Variants in OSTF1 observed in about 807,000 individuals in gnomAD.
The protein encoded by OSTF1 is osteoclast-stimulating factor 1.
OSTF1 carries 27 observed loss-of-function variants against 37.2 expected under a neutral mutation model. The ratio of observed to expected loss-of-function variants is 0.73; its 90% CI spans 0.54 to 1.00. OSTF1 has a LOEUF of 1.00. Among genes scored for constraint, OSTF1 ranks in the 50% least tolerant of loss-of-function variants. The pLI is 0.00. For missense variants in OSTF1, 232 were observed against 253.8 expected, an observed-to-expected ratio of 0.91 and a Z score of 0.58; for synonymous variants, 82 against 89.2, an observed-to-expected ratio of 0.92 and a Z score of 0.46.
chr9:75,106,769 C>T (rs1825292543), intron 1 of OSTF1, among the ~76,000 whole-genome samples: 1 of 149,886 alleles, frequency 6.7e-6, no homozygotes, highest in South Asian at 2.1e-4. Flanking sequence ...TCCTGGCCAA[C>T]ATGGTGAAAC....
chr9:75,124,282 C>A (rs1376714515), intron 2 of OSTF1, among the ~76,000 whole-genome samples: 1 of 152,046 alleles, frequency 6.6e-6, no homozygotes, highest in Admixed American at 6.6e-5. Context: ...ACAAACAATC[C>A]AATTATACTC....
At chr9:75,124,262 CGTTTGTGT>C (rs1825627815) in intron 2 of OSTF1, among the ~76,000 whole-genome samples, 1 of 152,170 alleles carries the variant, frequency 6.6e-6, no homozygotes, top group African/African-American at 2.4e-5. Flanking sequence ...AAGCGTTTAT[CGTTTGTGT>C]TACAAACAAT....
intron 1 of OSTF1, 33 bp downstream of exon 1, chr9:75,088,759 C>T (rs1413213650): frequency 5.7e-6 from 9 of 1,587,314 alleles, no homozygotes; most frequent in Non-Finnish European, 7.7e-6. Flanking sequence ...TTGCCAGGTC[C>T]TGCGACCGCC....
chr9:75,100,935 C>T (rs778874918), intron 1 of OSTF1, among the ~76,000 whole-genome samples: 1 of 152,162 alleles, frequency 6.6e-6, no homozygotes, highest in African/African-American at 2.4e-5. Context: ...CAGCTTTTCA[C>T]TTCCTGGCCT....
At chr9:75,125,432 G>A (rs1230450872) in intron 2 of OSTF1, among the ~76,000 whole-genome samples, 3 of 152,152 alleles carry the variant, frequency 2.0e-5, no homozygotes, top group Admixed American at 6.5e-5. Context: ...GAGAATATTA[G>A]TGGTCATTAA....
intron 9 of OSTF1, among the ~76,000 whole-genome samples, chr9:75,142,422 C>T (rs898979483): frequency 6.6e-6 from 1 of 152,166 alleles, no homozygotes; most frequent in Non-Finnish European, 1.5e-5. Flanking sequence ...TGTTGTGTGG[C>T]TACCCTTAGC....
chr9:75,112,718 G>A (rs17630835), intron 1 of OSTF1, among the ~76,000 whole-genome samples: 7,367 of 152,220 alleles, frequency 0.048, 222 homozygotes, highest in Middle Eastern at 0.078. Flanking sequence ...TTTGTTTTCA[G>A]GTTCTGTAAT....
chr9:75,092,321 G>A (rs1451128866), intron 1 of OSTF1, among the ~76,000 whole-genome samples: 1 of 152,154 alleles, frequency 6.6e-6, no homozygotes, highest in African/African-American at 2.4e-5. Flanking sequence ...CCTTGTTTGG[G>A]TTTTTGGCCA....
chr9:75,093,467 A>C (rs371515454), intron 1 of OSTF1, among the ~76,000 whole-genome samples: 3 of 152,164 alleles, frequency 2.0e-5, no homozygotes, highest in African/African-American at 7.2e-5. Context: ...TTTGGTAACT[A>C]TCTATTGTAG....
At chr9:75,128,039 TAAAA>T (rs1825688135) in intron 3 of OSTF1, among the ~76,000 whole-genome samples, 2 of 151,988 alleles carry the variant, frequency 1.3e-5, no homozygotes, top group Non-Finnish European at 2.9e-5. Flanking sequence ...AGTTGCAAAG[TAAAA>T]TTTAGTTTTA....
intron 1 of OSTF1, among the ~76,000 whole-genome samples, chr9:75,107,131 C>G (rs1334609929): frequency 1.3e-5 from 2 of 151,648 alleles, no homozygotes; most frequent in African/African-American, 4.9e-5. Context: ...GTTGGCCCAA[C>G]AGAGTACAGC....
At chr9:75,130,671 C>T in intron 4 of OSTF1, 30 bp downstream of exon 4, 3 of 1,480,002 alleles carry the variant, frequency 2.0e-6, no homozygotes, top group Non-Finnish European at 2.8e-6. Flanking sequence ...TTTACTTTAG[C>T]TTCGTTCACT....
chr9:75,104,137 G>A, intron 1 of OSTF1, among the ~76,000 whole-genome samples: 1 of 152,152 alleles, frequency 6.6e-6, no homozygotes, highest in Non-Finnish European at 1.5e-5. Flanking sequence ...TCAGCTGCTT[G>A]GGAGACTGAG....
intron 1 of OSTF1, among the ~76,000 whole-genome samples, chr9:75,097,545 C>T (rs1370781235): frequency 2.0e-5 from 3 of 152,158 alleles, no homozygotes; most frequent in African/African-American, 7.2e-5. Context: ...AACATCAAGT[C>T]TTCAGTGTCT....
chr9:75,126,692 C>G (rs910771042), intron 2 of OSTF1, among the ~76,000 whole-genome samples: 2 of 152,122 alleles, frequency 1.3e-5, no homozygotes, highest in East Asian at 1.9e-4. Context: ...CTCCCGGGTT[C>G]AAGAAATTCT....
chr9:75,125,365 A>T (rs1304518336), intron 2 of OSTF1, among the ~76,000 whole-genome samples: 1 of 152,198 alleles, frequency 6.6e-6, no homozygotes, highest in East Asian at 1.9e-4. Context: ...TCTATCACAT[A>T]TTGGTAGTAA....
At chr9:75,112,671 C>T (rs940397767) in intron 1 of OSTF1, among the ~76,000 whole-genome samples, 3 of 152,184 alleles carry the variant, frequency 2.0e-5, no homozygotes, top group Admixed American at 6.5e-5. Context: ...ATGAAAGATA[C>T]AATTACAAAA....
At chr9:75,115,773 A>T (rs1189953265) in intron 1 of OSTF1, among the ~76,000 whole-genome samples, 2 of 151,904 alleles carry the variant, frequency 1.3e-5, no homozygotes, top group Admixed American at 6.6e-5. Context: ...AGATTCAACC[A>T]ACTGTGAATC....
At chr9:75,105,188 T>C (rs1398566324) in intron 1 of OSTF1, among the ~76,000 whole-genome samples, 1 of 152,152 alleles carries the variant, frequency 6.6e-6, no homozygotes, top group East Asian at 1.9e-4. Flanking sequence ...CAGATTGGTT[T>C]TGGGGTTGGG....
Sources: gnomAD v4.1 joint callset for allele counts (sites outside exome capture counted in the v4.1 genomes callset) on GRCh38, gnomAD v4.1.1 for gene constraint, MANE v1.5 for transcripts, NCBI Gene and HGNC (gene_info 2026-07-23, HGNC 2026-07-21) for gene names.